The following GBE1 variants were observed in gnomAD, a reference collection of about 807,000 sequenced individuals.
GBE1 encodes the protein 1,4-alpha-glucan branching enzyme 1.
GBE1 carries 70 observed loss-of-function variants against 88.8 expected under a neutral mutation model. The observed-to-expected ratio is 0.79, with a 90% CI of 0.65 to 0.96. The LOEUF is 0.96. Ranked by LOEUF, GBE1 falls within the 40% of genes least tolerant of loss-of-function variation. The probability of loss-of-function intolerance (pLI) is 0.00; values close to 1 mark genes in which losing one functional copy is unlikely to be tolerated. For synonymous variants in GBE1, 284 were observed against 300.1 expected (o/e 0.95, Z 0.56); for missense variants, 872 against 871.0 (o/e 1.00, Z -0.01).
chr3:81,681,701 C>A (rs1362223406), intron 2 of GBE1, among the ~76,000 whole-genome samples: 1 of 152,124 alleles, frequency 6.6e-6, no homozygotes, highest in Non-Finnish European at 1.5e-5. Flanking sequence ...AAAGAATAGT[C>A]TTTAAAACCA....
Position 81,531,513 on chromosome 3 carries a change from A to C in GBE1, c.1934+3682T>G, listed in dbSNP as rs577218966. Among the ~76,000 whole-genome samples the C allele has an allele frequency of 1.6e-4, 25 of 152,090 alleles. No homozygotes were observed. The South Asian group carries it at 5.0e-3, about 30-fold the overall frequency. Reference sequence around the variant, plus strand: ...ACTTGGCTACTGTTGATGTTTACTCAAGGTCCAAGTGTTCCTCCGTCATTA... The same window carrying C: ...ACTTGGCTACTGTTGATGTTTACTCCAGGTCCAAGTGTTCCTCCGTCATTA... On this transcript the variant is annotated intron_variant, in intron 14 of 15. Coordinates refer to ENST00000429644, the MANE Select transcript of GBE1 (RefSeq NM_000158.4).
At chr3:81,739,243 A>G (rs1706315211) in intron 1 of GBE1, among the ~76,000 whole-genome samples, 1 of 152,166 alleles carries the variant, frequency 6.6e-6, no homozygotes, top group Non-Finnish European at 1.5e-5. Flanking sequence ...TTAGGGAGCT[A>G]GGATTTGAAC....
At chr3:81,538,848 C>A (rs1576139277) in intron 12 of GBE1, among the ~76,000 whole-genome samples, 1 of 152,092 alleles carries the variant, frequency 6.6e-6, no homozygotes, top group East Asian at 1.9e-4. Flanking sequence ...CAAACTGGAT[C>A]CAGGCTTCCC....
At chr3:81,646,552 A>T (rs1704766783) in intron 5 of GBE1, 70 bp from the exon 6 acceptor site, 1 of 821,148 alleles carries the variant, frequency 1.2e-6, no homozygotes, top group East Asian at 2.6e-5. Context: ...GAAAAAAAGC[A>T]TCCTTATTCC....
rs561204280 is a variant in GBE1 at position 81,550,554 on chromosome 3, A to T, written c.1619-13459T>A. Reference sequence around the variant, plus strand: ...ATAAGACTGAGACCTACTGGGCTGCATTCCCAGATGACTAGGCATTCTAAG... The same window carrying T: ...ATAAGACTGAGACCTACTGGGCTGCTTTCCCAGATGACTAGGCATTCTAAG... On this transcript the variant is annotated intron_variant, in intron 12 of 15. Transcript: ENST00000429644. Among the ~76,000 whole-genome samples the T allele has an allele frequency of 9.2e-5, 14 of 152,318 alleles. No homozygotes were observed. The East Asian group carries it at 1.7e-3, about 19-fold the overall frequency.
intron 10 of GBE1, among the ~76,000 whole-genome samples, chr3:81,584,694 G>A (rs1703776689): frequency 6.6e-6 from 1 of 151,224 alleles, no homozygotes; most frequent in Admixed American, 6.6e-5. Flanking sequence ...TAATAAGTAA[G>A]TATGATACAT....
At chr3:81,687,835 C>A (rs544069912) in intron 2 of GBE1, among the ~76,000 whole-genome samples, 2 of 152,286 alleles carry the variant, frequency 1.3e-5, no homozygotes, top group East Asian at 3.9e-4. Flanking sequence ...AAAGTAGTCA[C>A]GTCACAAAAC....
chr3:81,705,758 T>A, intron 1 of GBE1, 145 bp from the exon 2 acceptor site: 1 of 510,452 alleles, frequency 2.0e-6, no homozygotes, highest in Non-Finnish European at 3.3e-6. Context: ...CATTTATTAG[T>A]AGAGGCTACC....
chr3:81,499,548 T>G (rs1047229042), intron 14 of GBE1, among the ~76,000 whole-genome samples: 1 of 152,116 alleles, frequency 6.6e-6, no homozygotes, highest in South Asian at 2.1e-4. Flanking sequence ...TGAATAGAAA[T>G]TTTGCTCCTT....
intron 3 of GBE1, among the ~76,000 whole-genome samples, chr3:81,659,552 A>G (rs1704993761): frequency 7.1e-6 from 1 of 140,888 alleles, no homozygotes; most frequent in Non-Finnish European, 1.5e-5. Context: ...GTTTCACCAT[A>G]TTGGCCAGGT....
intron 2 of GBE1, among the ~76,000 whole-genome samples, chr3:81,690,663 A>G (rs145051498): frequency 6.6e-6 from 1 of 152,362 alleles, no homozygotes; most frequent in African/African-American, 2.4e-5. Context: ...CAGCATCGTC[A>G]CCATGAAACA....
At chr3:81,555,055 T>C (rs1430288945) in intron 12 of GBE1, among the ~76,000 whole-genome samples, 1 of 152,208 alleles carries the variant, frequency 6.6e-6, no homozygotes, top group African/African-American at 2.4e-5. Flanking sequence ...CATAGCAGCA[T>C]GACAGCTGGT....
At chr3:81,712,583 G>A (rs535314575) in intron 1 of GBE1, among the ~76,000 whole-genome samples, 10 of 151,734 alleles carry the variant, frequency 6.6e-5, no homozygotes, top group Non-Finnish European at 1.2e-4. Flanking sequence ...TCACTCATAG[G>A]TGGGAATTGA....
chr3:81,640,684 A>T (rs1301783370), intron 7 of GBE1, among the ~76,000 whole-genome samples: 2 of 152,064 alleles, frequency 1.3e-5, no homozygotes, highest in African/African-American at 4.8e-5. Flanking sequence ...CATTAATAGT[A>T]TAAACCTATA....
intron 3 of GBE1, among the ~76,000 whole-genome samples, chr3:81,661,715 A>C (rs1309870634): frequency 6.6e-6 from 1 of 152,190 alleles, no homozygotes; most frequent in African/African-American, 2.4e-5. Context: ...CTAATGCTTT[A>C]GGAGATAAAA....
intron 9 of GBE1, among the ~76,000 whole-genome samples, chr3:81,590,618 C>T (rs1280269061): frequency 1.3e-5 from 2 of 151,980 alleles, no homozygotes; most frequent in Non-Finnish European, 2.9e-5. Context: ...CACATCAGAA[C>T]AAGAAAGGCT....
chr3:81,753,968 G>A (rs1235400583), intron 1 of GBE1, among the ~76,000 whole-genome samples: 1 of 152,104 alleles, frequency 6.6e-6, no homozygotes, highest in African/African-American at 2.4e-5. Context: ...GAGCAATTAG[G>A]CAAGAGATAC....
At chr3:81,754,835 T>C (rs1000180860) in intron 1 of GBE1, among the ~76,000 whole-genome samples, 3 of 152,132 alleles carry the variant, frequency 2.0e-5, no homozygotes, top group Admixed American at 6.5e-5. Context: ...ATCAAATGGA[T>C]TAAAAACTTT....
intron 7 of GBE1, among the ~76,000 whole-genome samples, chr3:81,636,996 G>A (rs898729534): frequency 6.6e-6 from 1 of 152,112 alleles, no homozygotes; most frequent in Non-Finnish European, 1.5e-5. Flanking sequence ...AAGACTGCCA[G>A]TGGATGCCTG....
Sources: allele counts gnomAD v4.1 joint callset (sites outside exome capture counted in the v4.1 genomes callset), GRCh38; gene constraint gnomAD v4.1.1; transcripts MANE v1.5; gene names NCBI Gene and HGNC (gene_info 2026-07-23, HGNC 2026-07-21).